Variants in SCYL2 observed in about 807,000 individuals in gnomAD.
The protein encoded by SCYL2 is SCY1-like protein 2.
SCYL2 carries 36 observed loss-of-function variants against 100.4 expected under a neutral mutation model. The observed-to-expected ratio is 0.36, with a 90% CI of 0.27 to 0.47. SCYL2 has a LOEUF of 0.47. Among genes scored for constraint, SCYL2 ranks in the 20% least tolerant of loss-of-function variants. The probability of loss-of-function intolerance (pLI) is 1.00; values close to 1 mark genes in which losing one functional copy is unlikely to be tolerated. For synonymous variants in SCYL2, 330 were observed against 359.2 expected (o/e 0.92, Z 0.92); for missense variants, 902 against 1,083.9 (o/e 0.83, Z 2.36).
chr12:100,316,650 G>A (rs1428774245), intron 9 of SCYL2, among the ~76,000 whole-genome samples: 3 of 152,210 alleles, frequency 2.0e-5, no homozygotes, highest in African/African-American at 7.2e-5. Context: ...GCTGTAGCCT[G>A]TGAAGCAGGG....
At position 100,340,792 on chromosome 12, in the gene SCYL2, T is replaced by A. The variant is rs1317820600; in HGVS notation, c.*1620T>A. The A allele has an allele frequency of 6.6e-6, 1 of 152,028 alleles. No individual in the cohort carries two copies. The highest frequency in any genetic ancestry group is 1.5e-5 in the Non-Finnish European group (1 of 67,934). The allele number at this position is 152,028 out of a possible 1,614,324, so 9.4% of individuals were successfully genotyped here. A position where few individuals can be genotyped will look rare whatever the true frequency, so the allele number is the denominator to read the frequency against. On this transcript the variant is annotated 3_prime_UTR_variant, in exon 18 of 18. Transcript: ENST00000360820. ...CTAACAGAATTGCTAAAGAAATGCA[T>A]CCAATAAATGAAAAACAGTAGGAAG...
intron 1 of SCYL2, among the ~76,000 whole-genome samples, chr12:100,278,791 A>G (rs1190712622): frequency 6.6e-6 from 1 of 151,632 alleles, no homozygotes; most frequent in African/African-American, 2.4e-5. Context: ...CACCATGCCC[A>G]GTTAATTTTT....
chr12:100,297,467 A>G (rs1466126069), intron 3 of SCYL2, among the ~76,000 whole-genome samples: 1 of 152,232 alleles, frequency 6.6e-6, no homozygotes, highest in Non-Finnish European at 1.5e-5. Flanking sequence ...AGTAATTTAA[A>G]AAATTTAATA....
At chr12:100,290,245 A>C (rs1456593986) in intron 2 of SCYL2, among the ~76,000 whole-genome samples, 1 of 152,096 alleles carries the variant, frequency 6.6e-6, no homozygotes, top group Non-Finnish European at 1.5e-5. Context: ...ATCTAATGCC[A>C]GTGTCTTGAG....
intron 5 of SCYL2, among the ~76,000 whole-genome samples, chr12:100,311,782 G>A (rs963000728): frequency 1.3e-5 from 2 of 152,178 alleles, no homozygotes; most frequent in Non-Finnish European, 2.9e-5. Context: ...TTCATACTTA[G>A]AGAAACACTG....
At chr12:100,302,128 A>G (rs1452217235) in intron 4 of SCYL2, among the ~76,000 whole-genome samples, 2 of 152,142 alleles carry the variant, frequency 1.3e-5, no homozygotes, top group African/African-American at 4.8e-5. Flanking sequence ...TGTTACCTAA[A>G]TGCAAGACAA....
chr12:100,326,892 C>A, intron 12 of SCYL2, 138 bp downstream of exon 12: 2 of 679,120 alleles, frequency 2.9e-6, no homozygotes, highest in Non-Finnish European at 4.7e-6. Flanking sequence ...CATAATATAA[C>A]TTTTCTCTTT....
chr12:100,268,270 A>C (rs947296658), intron 1 of SCYL2, among the ~76,000 whole-genome samples: 1 of 152,218 alleles, frequency 6.6e-6, no homozygotes, highest in Non-Finnish European at 1.5e-5. Context: ...TAAGTAGCCT[A>C]TCTCCGTTCT....
At position 100,339,715 on chromosome 12, in the gene SCYL2, A is replaced by G. The variant is rs1404055089; in HGVS notation, c.*543A>G. On this transcript the variant is annotated 3_prime_UTR_variant, in exon 18 of 18. Coordinates refer to ENST00000360820, the MANE Select transcript of SCYL2 (RefSeq NM_017988.6). ...TTTTTCCAAACTTTTCAGATGAACT[A>G]TTGTTTAGTACAGAGACTGAGCAAA... The G allele has an allele frequency of 6.5e-6, 1 of 153,868 alleles. No individual in the cohort carries two copies. The highest frequency in any genetic ancestry group is 1.9e-4 in the East Asian group (1 of 5,222). 9.5% of individuals were successfully genotyped at this position (153,868 alleles called of 1,614,324 possible). A position where few individuals can be genotyped will look rare whatever the true frequency, so the allele number is the denominator to read the frequency against.
In SCYL2 at chr12:100,309,086, T is replaced by C. The variant is rs2135894722; in HGVS notation, c.481-1958T>C. Among the ~76,000 whole-genome samples the C allele has an allele frequency of 2.6e-5, 4 of 151,036 alleles. 1 individual carries two copies. In the South Asian group the frequency reaches 8.4e-4, roughly 32 times the overall value. ...AAACCAGGTACTGTGAGTGCTCACC[T>C]GATTTTTGGGTATTTTGATTTGTGT... is the stretch of plus-strand genomic sequence containing the variant. On this transcript the variant is annotated intron_variant, in intron 4 of 17. Coordinates refer to ENST00000360820, the MANE Select transcript of SCYL2 (RefSeq NM_017988.6).
chr12:100,340,611 A>G lies in SCYL2; in HGVS notation c.*1439A>G, dbSNP rs1376509626. 1.3e-5 allele frequency: 2 copies of G among 152,038 alleles called. No homozygotes were observed. Among genetic ancestry groups the G allele is most frequent in the Non-Finnish European group, 2.9e-5 (2 of 67,928 alleles). 9.4% of individuals were successfully genotyped at this position (152,038 alleles called of 1,614,324 possible). On this transcript the variant is annotated 3_prime_UTR_variant, in exon 18 of 18. Transcript: ENST00000360820. ...AATATTCATTGAAAATATATACACA[A>G]TATATGTAATACACAGCACTTGATT...
At chr12:100,278,947 C>A (rs143562032) in intron 1 of SCYL2, among the ~76,000 whole-genome samples, 41 of 152,100 alleles carry the variant, frequency 2.7e-4, no homozygotes, top group African/African-American at 8.7e-4. Flanking sequence ...AAATTCTTAT[C>A]TTTGTTCTTA....
At chr12:100,323,826 T>A in intron 11 of SCYL2, 188 bp downstream of exon 11, 1 of 376,194 alleles carries the variant, frequency 2.7e-6, no homozygotes, top group Non-Finnish European at 4.7e-6. Flanking sequence ...ATTGCATTCC[T>A]AACCTTACTT....
intron 16 of SCYL2, 77 bp downstream of exon 16, chr12:100,335,983 G>A: frequency 9.7e-7 from 1 of 1,034,190 alleles, no homozygotes; most frequent in Non-Finnish European, 1.5e-6. Flanking sequence ...TTTTTGTTGG[G>A]AAATACTGTT....
chr12:100,328,812 A>G (rs1024277768), intron 12 of SCYL2, among the ~76,000 whole-genome samples: 1 of 152,240 alleles, frequency 6.6e-6, no homozygotes. Flanking sequence ...GACTGTACCT[A>G]TACTATACCC....
At position 100,339,342 on chromosome 12, in the gene SCYL2, A is replaced by T; in HGVS notation, c.*170A>T. 1 of 654,510 alleles carries T rather than the reference A, an allele frequency of 1.5e-6. No homozygotes were observed. The allele number at this position is 654,510 out of a possible 1,614,324, so 40.5% of individuals were successfully genotyped here. On this transcript the variant is annotated 3_prime_UTR_variant, in exon 18 of 18. Transcript: ENST00000360820. Reference sequence around the variant, plus strand: ...ATAGTAGTTGTATGGACTTCTAACCAGTTGAGTTTTTTAAAGCATTGAGGA... The same window carrying T: ...ATAGTAGTTGTATGGACTTCTAACCTGTTGAGTTTTTTAAAGCATTGAGGA...
At chr12:100,294,210 AC>A (rs1175981885) in intron 3 of SCYL2, among the ~76,000 whole-genome samples, 2 of 109,814 alleles carry the variant, frequency 1.8e-5, no homozygotes, top group African/African-American at 3.6e-5. Context: ...CGGGGGGGTG[AC>A]CCCCCCACCT....
rs1952334815 is a variant in SCYL2, at chr12:100,340,144, G to GC, written c.*973dup. The GC allele has an allele frequency of 6.6e-6, 1 of 152,466 alleles. No individual in the cohort carries two copies. The highest frequency in any genetic ancestry group is 2.4e-5 in the African/African-American group (1 of 41,422). The allele number at this position is 152,466 out of a possible 1,614,324, so 9.4% of individuals were successfully genotyped here. On this transcript the variant is annotated 3_prime_UTR_variant, in exon 18 of 18. Transcript: ENST00000360820. ...TAAACTTTACTTCTGTAAAAATTGAGCAGTTGTATCTTCTGACCACCAACA... is the reference window on the plus strand; with the variant it reads ...TAAACTTTACTTCTGTAAAAATTGAGCCAGTTGTATCTTCTGACCACCAACA...
intron 3 of SCYL2, among the ~76,000 whole-genome samples, chr12:100,296,374 CACTT>C (rs957545472): frequency 6.6e-6 from 1 of 152,042 alleles, no homozygotes; most frequent in African/African-American, 2.4e-5. Context: ...GGGGGTGAGT[CACTT>C]ACAGGCAGTA....
Sources: allele counts gnomAD v4.1 joint callset (sites outside exome capture counted in the v4.1 genomes callset), GRCh38; gene constraint gnomAD v4.1.1; transcripts MANE v1.5; gene names NCBI Gene and HGNC (gene_info 2026-07-23, HGNC 2026-07-21).